Variants in RIT2 observed in about 807,000 individuals in gnomAD.
The protein encoded by RIT2 is GTP-binding protein Rit2.
In RIT2, 24 loss-of-function variants were observed where a neutral mutation model predicts 23.7. The ratio of observed to expected loss-of-function variants is 1.01; its 90% CI spans 0.73 to 1.43. RIT2 has a LOEUF of 1.43. Ranked by LOEUF, RIT2 falls within the 40% of genes most tolerant of loss-of-function variation. The pLI is 0.00. For synonymous variants in RIT2, 107 were observed against 91.1 expected, an observed-to-expected ratio of 1.17 and a Z score of -0.99; for missense variants, 236 against 266.9, an observed-to-expected ratio of 0.88 and a Z score of 0.81.
rs181012764 is a variant in RIT2 at position 43,015,210 on chromosome 18, T to C, written c.160+18601A>G. 1.5e-3 allele frequency among the ~76,000 whole-genome samples: 221 copies of C among 151,748 alleles called. 1 individual carries two copies. Among genetic ancestry groups the C allele is most frequent in the Non-Finnish European group, 1.8e-3 (120 of 67,750 alleles). ...TATAGCAGTCATGAGAGTGAGAATATTTTTAGAAAATATTCTGGAGATAGA... is the reference window on the plus strand; with the variant it reads ...TATAGCAGTCATGAGAGTGAGAATACTTTTAGAAAATATTCTGGAGATAGA... On this transcript the variant is annotated intron_variant, in intron 2 of 4. Coordinates refer to ENST00000326695, the MANE Select transcript of RIT2 (RefSeq NM_002930.4).
At chr18:43,091,380 C>G (rs751421726) in intron 1 of RIT2, among the ~76,000 whole-genome samples, 8 of 152,016 alleles carry the variant, frequency 5.3e-5, no homozygotes, top group African/African-American at 1.9e-4. Context: ...CACGCCAATA[C>G]CAATGAGATT....
intron 4 of RIT2, among the ~76,000 whole-genome samples, chr18:42,749,239 A>T (rs1363143204): frequency 6.6e-6 from 1 of 151,982 alleles, no homozygotes; most frequent in African/African-American, 2.4e-5. Context: ...TCAAAGAAGA[A>T]ATTATAAAAA....
intron 4 of RIT2, among the ~76,000 whole-genome samples, chr18:42,899,170 T>G (rs1213180309): frequency 6.6e-6 from 1 of 151,864 alleles, no homozygotes; most frequent in Non-Finnish European, 1.5e-5. Context: ...TTTCACTCAT[T>G]GACCTCAATA....
chr18:42,831,888 C>A (rs1357168358), intron 4 of RIT2, among the ~76,000 whole-genome samples: 1 of 152,128 alleles, frequency 6.6e-6, no homozygotes, highest in Admixed American at 6.5e-5. Context: ...CAGGCCTTGC[C>A]CCTTGCCTGC....
chr18:42,986,326 G>A (rs1346406525), intron 2 of RIT2, among the ~76,000 whole-genome samples: 1 of 150,862 alleles, frequency 6.6e-6, no homozygotes, highest in Admixed American at 6.6e-5. Context: ...ACCTTGCCCG[G>A]CCCATATCCA....
intron 4 of RIT2, among the ~76,000 whole-genome samples, chr18:42,904,436 G>A (rs560459462): frequency 6.6e-6 from 1 of 152,260 alleles, no homozygotes; most frequent in South Asian, 2.1e-4. Context: ...AATTTAAGCA[G>A]TTTCCCAGAG....
intron 3 of RIT2, among the ~76,000 whole-genome samples, chr18:42,962,851 C>T (rs574047925): frequency 1.3e-5 from 2 of 152,250 alleles, no homozygotes; most frequent in African/African-American, 4.8e-5. Flanking sequence ...ATAAACTTCA[C>T]AAATGGTCTG....
intron 4 of RIT2, among the ~76,000 whole-genome samples, chr18:42,851,968 C>T (rs1907066103): frequency 1.3e-5 from 2 of 152,160 alleles, no homozygotes; most frequent in African/African-American, 4.8e-5. Context: ...ACATGGGATC[C>T]CACAGATGCC....
chr18:43,082,140 G>T (rs2144348932), intron 1 of RIT2, among the ~76,000 whole-genome samples: 1 of 152,228 alleles, frequency 6.6e-6, no homozygotes, highest in Middle Eastern at 3.4e-3. Context: ...TATGTGTCCA[G>T]GAATTTATCC....
chr18:43,081,409 C>T (rs956745368), intron 1 of RIT2, among the ~76,000 whole-genome samples: 3 of 152,110 alleles, frequency 2.0e-5, no homozygotes, highest in Non-Finnish European at 4.4e-5. Context: ...ATCAATCAAT[C>T]CATCTCAGTA....
chr18:43,045,930 A>T (rs761200311), intron 1 of RIT2, among the ~76,000 whole-genome samples: 9 of 152,146 alleles, frequency 5.9e-5, no homozygotes, highest in Non-Finnish European at 1.2e-4. Flanking sequence ...TATTTAAATT[A>T]ATTACGGTAA....
At chr18:43,019,267 C>T (rs1911542701) in intron 2 of RIT2, among the ~76,000 whole-genome samples, 3 of 151,732 alleles carry the variant, frequency 2.0e-5, no homozygotes, top group Admixed American at 2.0e-4. Context: ...CCCTAAAAAA[C>T]ATAGATACAA....
chr18:42,769,251 T>C (rs1309534522), intron 4 of RIT2, among the ~76,000 whole-genome samples: 2 of 152,224 alleles, frequency 1.3e-5, no homozygotes, highest in Non-Finnish European at 2.9e-5. Flanking sequence ...TTCCCAGTTA[T>C]AGGAGCTAAT....
intron 4 of RIT2, among the ~76,000 whole-genome samples, chr18:42,862,704 T>C (rs1377195684): frequency 2.0e-5 from 3 of 152,228 alleles, no homozygotes. Context: ...TATTGTGTGC[T>C]ACGCATCATG....
rs562541880 is a variant in RIT2, at chr18:42,775,793, A to G, written c.427-32073T>C. On this transcript the variant is annotated intron_variant, in intron 4 of 4. Transcript: ENST00000326695. ...CAAAATATATTCCTCATACCCATCT[A>G]TGGATTTCCTCTTTGCTAGATTTTC... Among the ~76,000 whole-genome samples the G allele has an allele frequency of 4.6e-5, 7 of 152,088 alleles. No homozygotes were observed. In the South Asian group the frequency reaches 8.3e-4, roughly 18 times the overall value.
intron 4 of RIT2, among the ~76,000 whole-genome samples, chr18:42,878,115 T>G (rs1053248311): frequency 6.6e-6 from 1 of 150,448 alleles, no homozygotes; most frequent in African/African-American, 2.4e-5. Context: ...TATATATATA[T>G]AATATATATA....
intron 4 of RIT2, among the ~76,000 whole-genome samples, chr18:42,870,647 T>C (rs1415194439): frequency 6.6e-6 from 1 of 152,004 alleles, no homozygotes; most frequent in Non-Finnish European, 1.5e-5. Context: ...ATCCCATACA[T>C]AGGGAAATTC....
At chr18:42,802,728 G>C (rs971571481) in intron 4 of RIT2, among the ~76,000 whole-genome samples, 1 of 152,028 alleles carries the variant, frequency 6.6e-6, no homozygotes, top group African/African-American at 2.4e-5. Context: ...TTTGTTTTCA[G>C]GATTGATTCT....
At chr18:42,986,613 T>C (rs555133184) in intron 2 of RIT2, among the ~76,000 whole-genome samples, 12 of 152,086 alleles carry the variant, frequency 7.9e-5, no homozygotes, top group Admixed American at 2.0e-4. Flanking sequence ...GCGATTCTCA[T>C]GCCACAGCCT....
Sources: gnomAD v4.1 joint callset for allele counts (sites outside exome capture counted in the v4.1 genomes callset) on GRCh38, gnomAD v4.1.1 for gene constraint, MANE v1.5 for transcripts, NCBI Gene and HGNC (gene_info 2026-07-23, HGNC 2026-07-21) for gene names.